Variants in PTPN9 observed in about 807,000 individuals in gnomAD.
PTPN9 encodes tyrosine-protein phosphatase non-receptor type 9.
In PTPN9, 26 loss-of-function variants were observed where a neutral mutation model predicts 69.8. The ratio of observed to expected loss-of-function variants is 0.37; its 90% CI spans 0.27 to 0.52. The LOEUF is 0.52. Among genes scored for constraint, PTPN9 ranks in the 20% least tolerant of loss-of-function variants. The pLI is 0.91. For missense variants in PTPN9, 549 were observed against 740.3 expected, an observed-to-expected ratio of 0.74 and a Z score of 3.00; for synonymous variants, 274 against 272.5, an observed-to-expected ratio of 1.01 and a Z score of -0.05.
intron 7 of PTPN9, among the ~76,000 whole-genome samples, chr15:75,496,551 C>T (rs1326231293): frequency 6.6e-6 from 1 of 150,820 alleles, no homozygotes; most frequent in Non-Finnish European, 1.5e-5. Flanking sequence ...AGCTGGAGTC[C>T]AGTGGCACAA....
intron 12 of PTPN9, 127 bp downstream of exon 12, chr15:75,469,665 C>T: frequency 9.6e-7 from 1 of 1,040,616 alleles, no homozygotes; most frequent in Non-Finnish European, 1.4e-6. Flanking sequence ...GGATTTTTCA[C>T]AGCAATTCAC....
intron 12 of PTPN9, among the ~76,000 whole-genome samples, 162 bp downstream of exon 12, chr15:75,469,630 G>A (rs2074553332): frequency 6.6e-6 from 1 of 152,200 alleles, no homozygotes; most frequent in South Asian, 2.1e-4. Flanking sequence ...CCATCACTTG[G>A]TCCACCAAAA....
chr15:75,554,854 T>C (rs146215401), intron 1 of PTPN9, among the ~76,000 whole-genome samples: 32 of 152,294 alleles, frequency 2.1e-4, no homozygotes, highest in African/African-American at 7.7e-4. Flanking sequence ...AACTCACATG[T>C]CCAGACTCTC....
At chr15:75,488,897 C>T (rs1370228684) in intron 8 of PTPN9, among the ~76,000 whole-genome samples, 4 of 151,960 alleles carry the variant, frequency 2.6e-5, no homozygotes, top group South Asian at 4.2e-4. Flanking sequence ...TTGTCCTGGC[C>T]GGGCCTAGTG....
At chr15:75,573,847 T>C (rs1333653707) in intron 1 of PTPN9, among the ~76,000 whole-genome samples, 1 of 152,184 alleles carries the variant, frequency 6.6e-6, no homozygotes, top group African/African-American at 2.4e-5. Flanking sequence ...GACAGGTAAA[T>C]GGTGCTCTGA....
intron 8 of PTPN9, among the ~76,000 whole-genome samples, chr15:75,482,058 C>G (rs1192618662): frequency 1.3e-5 from 2 of 149,018 alleles, no homozygotes; most frequent in Admixed American, 1.3e-4. Flanking sequence ...GGATGGTTGC[C>G]GTGTCTGTGT....
intron 1 of PTPN9, among the ~76,000 whole-genome samples, chr15:75,567,799 G>A (rs778755840): frequency 4.0e-4 from 61 of 151,302 alleles, no homozygotes; most frequent in African/African-American, 1.1e-3. Context: ...GATCAATACC[G>A]TCCTGACTAA....
In PTPN9 at chr15:75,504,788, G is replaced by A. The variant is rs1333306539; in HGVS notation, c.968+887C>T. On this transcript the variant is annotated intron_variant, in intron 7 of 12. Coordinates refer to ENST00000618819, the MANE Select transcript of PTPN9 (RefSeq NM_002833.4). Reference sequence around the variant, plus strand: ...CTCTGCCCGGCCAGCCGCCCCGTCCGGGAGGGAGGTGGGGGGGTCAGCCCC... The same window carrying A: ...CTCTGCCCGGCCAGCCGCCCCGTCCAGGAGGGAGGTGGGGGGGTCAGCCCC... Among the ~76,000 whole-genome samples, 435 of 144,864 alleles carry A rather than the reference G, an allele frequency of 3.0e-3. 8 individuals carry two copies. Among genetic ancestry groups the A allele is most frequent in the African/African-American group, 0.011 (413 of 38,048 alleles).
chr15:75,525,741 A>G (rs896248766), intron 2 of PTPN9, among the ~76,000 whole-genome samples: 8 of 149,572 alleles, frequency 5.3e-5, no homozygotes, highest in Non-Finnish European at 1.0e-4. Flanking sequence ...AACATAGCAA[A>G]ACCCCGTCTC....
intron 7 of PTPN9, among the ~76,000 whole-genome samples, chr15:75,492,778 C>T (rs1323073963): frequency 3.3e-5 from 5 of 152,092 alleles, no homozygotes; most frequent in African/African-American, 1.2e-4. Context: ...CTTTTAAGGA[C>T]CATAAATGTG....
intron 6 of PTPN9, among the ~76,000 whole-genome samples, 159 bp from the exon 7 acceptor site, chr15:75,506,162 C>T (rs926307746): frequency 3.3e-5 from 5 of 152,084 alleles, no homozygotes; most frequent in Admixed American, 3.3e-4. Flanking sequence ...TTTCATCTGC[C>T]TGAGATTTAA....
chr15:75,508,984 G>A lies in PTPN9; in HGVS notation c.572C>T (p.Ala191Val), dbSNP rs764699404. Residue 191 changes from alanine to valine, a missense_variant, in exon 6 of 13, where the codon GCA becomes GTA. By Grantham distance (64) the Ala-to-Val change is moderately conservative (BLOSUM62 0). This residue lies in a region of PTPN9 where 457 missense variants were observed against 661.9 expected (regional missense o/e 0.69). Coordinates refer to ENST00000618819, the MANE Select transcript of PTPN9 (RefSeq NM_002833.4). ...ARLKKVLIVG[A>V]PIWFRVPYSI... ...ATAGGGCACTCGGAACCATATGGGT[G>A]CCCCCACAATCAGCACCTTCTTCAA... 3.1e-6 allele frequency: 5 copies of A among 1,613,964 alleles called. No individual in the cohort carries two copies.
chr15:75,477,839 T>G lies in PTPN9; in HGVS notation c.1129+2009A>C, dbSNP rs1595946370. 2.8e-5 allele frequency among the ~76,000 whole-genome samples: 4 copies of G among 141,500 alleles called. No homozygotes were observed. The South Asian group carries it at 9.4e-4, about 33-fold the overall frequency. 92.8% of individuals were successfully genotyped at this position (141,500 alleles called of 152,430 possible). A position where few individuals can be genotyped will look rare whatever the true frequency, so the allele number is the denominator to read the frequency against. On this transcript the variant is annotated intron_variant, in intron 9 of 12. Transcript: ENST00000618819. ...GAGGATCTAATCAGATACTCTTTTTTTTTTTTTTTTTTTTTTTTTGAGACA... is the reference window on the plus strand; with the variant it reads ...GAGGATCTAATCAGATACTCTTTTTGTTTTTTTTTTTTTTTTTTTGAGACA...
chr15:75,531,595 T>C (rs982632515), intron 1 of PTPN9, among the ~76,000 whole-genome samples: 2 of 151,844 alleles, frequency 1.3e-5, no homozygotes, highest in Non-Finnish European at 2.9e-5. Context: ...TTTTTTTTTT[T>C]CTTTTGAGAC....
Position 75,465,667 on chromosome 15 carries a change from C to G in PTPN9, c.*3102G>C, listed in dbSNP as rs764051430. ...TGAACTAAATCTATGGTTCCCAAAC[C>G]TGGATAATCCTGTCACTCACTAACA... On this transcript the variant is annotated 3_prime_UTR_variant, in exon 13 of 13. Coordinates refer to ENST00000618819, the MANE Select transcript of PTPN9 (RefSeq NM_002833.4). The G allele has an allele frequency of 7.2e-5, 11 of 152,276 alleles. No individual in the cohort carries two copies. The highest frequency in any genetic ancestry group is 5.2e-4 in the Admixed American group (8 of 15,298). 9.4% of individuals were successfully genotyped at this position (152,276 alleles called of 1,614,324 possible). A position where few individuals can be genotyped will look rare whatever the true frequency, so the allele number is the denominator to read the frequency against.
At chr15:75,524,496 G>A (rs2074918778) in intron 2 of PTPN9, among the ~76,000 whole-genome samples, 198 bp from the exon 3 acceptor site, 2 of 152,082 alleles carry the variant, frequency 1.3e-5, no homozygotes, top group African/African-American at 4.8e-5. Context: ...CAATTAAATG[G>A]GCCGGGCGCA....
At chr15:75,469,031 C>T (rs1243428187) in intron 12 of PTPN9, 48 bp from the exon 13 acceptor site, 1 of 1,477,846 alleles carries the variant, frequency 6.8e-7, no homozygotes, top group Non-Finnish European at 9.3e-7. Flanking sequence ...CTCTTCTCTT[C>T]CTCCCTCTAC....
intron 2 of PTPN9, among the ~76,000 whole-genome samples, chr15:75,525,626 A>G (rs2074924071): frequency 6.6e-6 from 1 of 151,430 alleles, no homozygotes. Context: ...CGCTTGTTTT[A>G]AACCTCTTAG....
intron 1 of PTPN9, among the ~76,000 whole-genome samples, chr15:75,531,878 T>C (rs1262166740): frequency 6.6e-6 from 1 of 152,162 alleles, no homozygotes; most frequent in Non-Finnish European, 1.5e-5. Flanking sequence ...TACCTGTTTT[T>C]TAATTAACCT....
Sources: gnomAD v4.1 joint callset for allele counts (sites outside exome capture counted in the v4.1 genomes callset) on GRCh38, gnomAD v4.1.1 for gene constraint, gnomAD v4.1.1 regional missense constraint, MANE v1.5 for transcripts, NCBI Gene and HGNC (gene_info 2026-07-23, HGNC 2026-07-21) for gene names.